Variants in ABCG8 observed in about 807,000 individuals in gnomAD.
ABCG8 encodes ATP binding cassette subfamily G member 8, also known as ATP-binding cassette sub-family G member 8.
Under a neutral mutation model 71.3 loss-of-function variants are expected in ABCG8, and 81 were observed. The ratio of observed to expected loss-of-function variants is 1.14; its 90% confidence interval spans 0.95 to 1.37. The LOEUF is 1.37. Ranked by LOEUF, ABCG8 falls within the 40% of genes most tolerant of loss-of-function variation. The pLI is 0.00. For missense variants in ABCG8, 1,119 were observed against 866.2 expected (o/e 1.29, Z -3.66); for synonymous variants, 451 against 354.7 (o/e 1.27, Z -3.05).
At chr2:43,841,696 C>T (rs1346505961) in intron 1 of ABCG8, among the ~76,000 whole-genome samples, 1 of 152,138 alleles carries the variant, frequency 6.6e-6, no homozygotes, top group African/African-American at 2.4e-5. Flanking sequence ...AGCAACCAGG[C>T]ACCTCTCCCC....
chr2:43,865,419 A>T (rs1669492928), intron 6 of ABCG8, among the ~76,000 whole-genome samples: 1 of 151,776 alleles, frequency 6.6e-6, no homozygotes, highest in South Asian at 2.1e-4. Flanking sequence ...GTCTGGATAG[A>T]ATTCTTACCA....
chr2:43,861,143 T>TA (rs1483805262), intron 6 of ABCG8, among the ~76,000 whole-genome samples: 7 of 151,532 alleles, frequency 4.6e-5, no homozygotes, highest in African/African-American at 1.4e-4. Flanking sequence ...ACTGTCTACA[T>TA]AGAGCTCTCG....
In ABCG8 at chr2:43,875,060, T is replaced by A. The variant is rs1013278264; in HGVS notation, c.1489-86T>A. 4 of 1,587,632 alleles carry A rather than the reference T, an allele frequency of 2.5e-6. No individual in the cohort carries two copies. In the African/African-American group the frequency reaches 5.4e-5, roughly 21 times the overall value. On this transcript the variant is annotated intron_variant, in intron 10 of 12. Coordinates refer to ENST00000272286, the MANE Select transcript of ABCG8 (RefSeq NM_022437.3). Reference sequence around the variant, plus strand: ...TCATCACCAGGAGGGAAGGTTGCTATCTGGGGGCACTGCTACTTTTAAACG... The same window carrying A: ...TCATCACCAGGAGGGAAGGTTGCTAACTGGGGGCACTGCTACTTTTAAACG...
intron 1 of ABCG8, among the ~76,000 whole-genome samples, chr2:43,840,306 C>G (rs1178767134): frequency 6.6e-6 from 1 of 152,188 alleles, no homozygotes; most frequent in East Asian, 1.9e-4. Context: ...CTCTGAATAC[C>G]CTGTGGGGCC....
intron 3 of ABCG8, among the ~76,000 whole-genome samples, chr2:43,849,992 G>A (rs2104917048): frequency 6.6e-6 from 1 of 152,200 alleles, no homozygotes; most frequent in South Asian, 2.1e-4. Flanking sequence ...CTGAGGTCAG[G>A]GGTTCGAGAC....
chr2:43,877,830 G>A lies in ABCG8; in HGVS notation c.1939G>A (p.Val647Ile), dbSNP rs1286838316. The A allele has an allele frequency of 1.9e-6, 3 of 1,614,104 alleles. No individual in the cohort carries two copies. The highest frequency in any genetic ancestry group is 2.2e-5 in the East Asian group (1 of 44,880). Reference sequence around the variant, plus strand: ...CCCTCTCTACGCCATCTACCTCATCGTCATTGGCCTCAGCGGTGGCTTCAT... The same window carrying A: ...CCCTCTCTACGCCATCTACCTCATCATCATTGGCCTCAGCGGTGGCTTCAT... Reference protein sequence around the residue: ...SYPLYAIYLIVIGLSGGFMVL... With the variant: ...SYPLYAIYLIIIGLSGGFMVL... Residue 647 changes from valine (V) to isoleucine (I), a missense_variant, in exon 13 of 13, where the codon GTC becomes ATC. Transcript: ENST00000272286.
At chr2:43,850,909 CAAAAAAAAA>C (rs1164206598) in intron 3 of ABCG8, among the ~76,000 whole-genome samples, 1 of 57,514 alleles carries the variant, frequency 1.7e-5, no homozygotes, top group East Asian at 5.2e-4. Flanking sequence ...GACTCTGTCT[CAAAAAAAAA>C]AAAAAAAAGA....
Position 43,873,809 on chromosome 2 carries a change from C to T in ABCG8, c.1234C>T (p.Arg412Ter), listed in dbSNP as rs137852991. 187 of 1,614,050 alleles carry T rather than the reference C, an allele frequency of 1.2e-4. No individual in the cohort carries two copies. Among genetic ancestry groups the T allele is most frequent in the Admixed American group, 2.2e-4 (13 of 59,998 alleles). The change falls in exon 9 of 13, where the codon CGA (arginine) becomes TGA (stop). Residue 412 changes from arginine (R) to a stop codon, truncating the protein, a stop_gained. Coordinates refer to ENST00000272286, the MANE Select transcript of ABCG8 (RefSeq NM_022437.3). LOFTEE classifies it high-confidence loss of function. ...LIRRQISNDF[R>*]DLPTLLIHGA... ...AAGTCGTCAGATTTCCAACGACTTCCGAGACCTGCCCACCCTCCTCATCCA... is the reference window on the plus strand; with the variant it reads ...AAGTCGTCAGATTTCCAACGACTTCTGAGACCTGCCCACCCTCCTCATCCA...
intron 5 of ABCG8, 39 bp from the exon 6 acceptor site, chr2:43,852,560 G>A: frequency 6.2e-7 from 1 of 1,613,992 alleles, no homozygotes; most frequent in African/African-American, 1.3e-5. Context: ...TCTGGCCAGA[G>A]CCCCACCGAC....
At chr2:43,846,124 C>T (rs1286141301) in intron 2 of ABCG8, 31 bp from the exon 3 acceptor site, 2 of 1,612,020 alleles carry the variant, frequency 1.2e-6, no homozygotes, top group East Asian at 4.5e-5. Context: ...CCATTCAGCT[C>T]TCTAAGGAAC....
At chr2:43,847,194 A>G (rs1453395815) in intron 3 of ABCG8, 2 of 152,204 alleles carry the variant, frequency 1.3e-5, no homozygotes, top group Non-Finnish European at 2.9e-5. Flanking sequence ...AGCATTTTAT[A>G]TCTTTTAATT....
At chr2:43,840,361 A>G (rs1056360456) in intron 1 of ABCG8, among the ~76,000 whole-genome samples, 1 of 152,250 alleles carries the variant, frequency 6.6e-6, no homozygotes, top group Non-Finnish European at 1.5e-5. Flanking sequence ...ATAGAAAGTC[A>G]GCGGGACTTT....
intron 1 of ABCG8, among the ~76,000 whole-genome samples, chr2:43,842,175 A>AT (rs1251843736): frequency 1.7e-4 from 25 of 151,198 alleles, no homozygotes; most frequent in East Asian, 3.9e-4. Context: ...ATGCCCGGCA[A>AT]TTTTTTTTTG....
intron 2 of ABCG8, among the ~76,000 whole-genome samples, chr2:43,845,437 G>T (rs4299376): frequency 0.76 from 114,850 of 152,078 alleles, 43,918 homozygotes; most frequent in East Asian, 0.99. Flanking sequence ...AGGATTCTGA[G>T]CATATCTATG....
At chr2:43,841,270 A>T (rs1401488411) in intron 1 of ABCG8, among the ~76,000 whole-genome samples, 3 of 152,152 alleles carry the variant, frequency 2.0e-5, no homozygotes, top group African/African-American at 7.2e-5. Flanking sequence ...CAGGAATTTG[A>T]TCAGAAGTTA....
chr2:43,846,051 T>C (rs1668732221), intron 2 of ABCG8, 104 bp from the exon 3 acceptor site: 1 of 1,249,760 alleles, frequency 8.0e-7, no homozygotes. Flanking sequence ...GGACATATCC[T>C]CTGTGGAGAG....
At position 43,882,329 on chromosome 2, in the gene ABCG8, A is replaced by G. The variant is rs78712049; in HGVS notation, c.*4416A>G. 2.6e-5 allele frequency: 4 copies of G among 152,346 alleles called. No homozygotes were observed. Among genetic ancestry groups the G allele is most frequent in the Non-Finnish European group, 4.4e-5 (3 of 68,042 alleles). The allele number at this position is 152,346 out of a possible 1,614,324, so 9.4% of individuals were successfully genotyped here. A position where few individuals can be genotyped will look rare whatever the true frequency, so the allele number is the denominator to read the frequency against. ...GAAATGTTCAAATCTGTCAAATCCA[A>G]GTGTTAACAGACCTGGGACCAGGGG... On this transcript the variant is annotated 3_prime_UTR_variant, in exon 13 of 13. Coordinates refer to ENST00000272286, the MANE Select transcript of ABCG8 (RefSeq NM_022437.3).
At chr2:43,844,642 C>A in intron 2 of ABCG8, 34 bp downstream of exon 2, 1 of 1,528,710 alleles carries the variant, frequency 6.5e-7, no homozygotes, top group Non-Finnish European at 9.1e-7. Context: ...GGGAGAGGAG[C>A]AGGCAGGGAC....
intron 10 of ABCG8, 56 bp from the exon 11 acceptor site, chr2:43,875,090 T>C: frequency 6.2e-7 from 1 of 1,612,984 alleles, no homozygotes. Context: ...TAAACGTTTA[T>C]AATAATGGCA....
Sources: allele counts gnomAD v4.1 joint callset (sites outside exome capture counted in the v4.1 genomes callset), GRCh38; gene constraint gnomAD v4.1.1; transcripts MANE v1.5; gene names NCBI Gene and HGNC (gene_info 2026-07-23, HGNC 2026-07-21).